SHPRH: variants seen among roughly 807,000 people sequenced by gnomAD.
The protein encoded by SHPRH is SNF2 histone linker PHD RING helicase, also known as E3 ubiquitin-protein ligase SHPRH.
Under a neutral mutation model 202.5 loss-of-function variants are expected in SHPRH, and 106 were observed. The observed-to-expected ratio is 0.52, with a 90% confidence interval of 0.45 to 0.62. SHPRH has a LOEUF of 0.62. Among genes scored for constraint, SHPRH ranks in the 20% least tolerant of loss-of-function variants. The pLI is 0.00. For missense variants in SHPRH, 1,710 were observed against 2,020.0 expected (o/e 0.85, Z 2.94); for synonymous variants, 729 against 686.0 (o/e 1.06, Z -0.98).
At chr6:145,942,646 A>T (rs1562353670) in intron 9 of SHPRH, among the ~76,000 whole-genome samples, 1 of 152,202 alleles carries the variant, frequency 6.6e-6, no homozygotes, top group Admixed American at 6.5e-5. Context: ...ATCTTCACAA[A>T]TGACTGGATA....
chr6:145,911,413 G>A lies in SHPRH; in HGVS notation c.4327-777C>T, dbSNP rs117560233. 4.2e-3 allele frequency among the ~76,000 whole-genome samples: 643 copies of A among 152,158 alleles called. 18 individuals are homozygous for A. The East Asian group carries it at 0.071, about 17-fold the overall frequency. On this transcript the variant is annotated intron_variant, in intron 24 of 29. Transcript: ENST00000275233. ...CCTGGGATTACAGGTGTGAGCCACC[G>A]CGCCCAGCCAAAAAGAAATGTTTAA... is the stretch of plus-strand genomic sequence containing the variant.
chr6:145,947,765 ATT>A, intron 5 of SHPRH, 122 bp from the exon 6 acceptor site: 1 of 1,229,992 alleles, frequency 8.1e-7, no homozygotes, highest in Non-Finnish European at 1.1e-6. Flanking sequence ...TTGAAACTAT[ATT>A]TTAGGGCAAA....
chr6:145,948,750 A>G (rs929867124), intron 4 of SHPRH, among the ~76,000 whole-genome samples: 3 of 152,096 alleles, frequency 2.0e-5, no homozygotes, highest in African/African-American at 7.2e-5. Context: ...GACATATGCT[A>G]GGTGGCTAAA....
At chr6:145,920,324 C>G (rs1784334380) in intron 21 of SHPRH, among the ~76,000 whole-genome samples, 1 of 152,056 alleles carries the variant, frequency 6.6e-6, no homozygotes, top group African/African-American at 2.4e-5. Context: ...ACAGGGGCAA[C>G]TGAACATCAT....
intron 1 of SHPRH, among the ~76,000 whole-genome samples, chr6:145,961,011 C>T (rs1346978420): frequency 6.6e-6 from 1 of 151,768 alleles, no homozygotes; most frequent in Non-Finnish European, 1.5e-5. Flanking sequence ...TTATGGTAAT[C>T]TACTGACTGT....
At chr6:145,867,615 TATATATATATATATATAGAG>T (rs1779839533) in intron 2 of SHPRH, among the ~76,000 whole-genome samples, 2 of 66,928 alleles carry the variant, frequency 3.0e-5, no homozygotes, top group African/African-American at 1.5e-4. Flanking sequence ...TATATATATA[TATATATATATATATATAGAG>T]AGAGAGAGAG....
At chr6:145,920,104 C>A (rs908659624) in intron 21 of SHPRH, among the ~76,000 whole-genome samples, 7 of 152,078 alleles carry the variant, frequency 4.6e-5, no homozygotes, top group Admixed American at 4.6e-4. Flanking sequence ...TGGTATCAAT[C>A]AGTATACATT....
downstream of SHPRH, chr6:145,884,652 G>C (rs1050141254): frequency 5.5e-4 from 83 of 152,186 alleles, no homozygotes; most frequent in African/African-American, 1.8e-3. Context: ...TACTTGTTTT[G>C]AACAATTGGA....
chr6:145,892,259 A>G (rs1344592043), intron 28 of SHPRH, among the ~76,000 whole-genome samples: 3 of 152,136 alleles, frequency 2.0e-5, no homozygotes, highest in Non-Finnish European at 4.4e-5. Context: ...GGCTGTGTGA[A>G]TACCCTTTTC....
At chr6:145,962,116 T>A (rs1789147154) in intron 1 of SHPRH, among the ~76,000 whole-genome samples, 1 of 152,200 alleles carries the variant, frequency 6.6e-6, no homozygotes, top group Non-Finnish European at 1.5e-5. Flanking sequence ...TGTATTTAAA[T>A]ATAAAAGCCT....
chr6:145,940,886 G>A (rs1786699135), intron 10 of SHPRH, 85 bp from the exon 11 acceptor site: 1 of 1,355,250 alleles, frequency 7.4e-7, no homozygotes, highest in African/African-American at 1.4e-5. Flanking sequence ...ATGAAAAACA[G>A]CCCATTAAAA....
rs1002097718 is a variant in SHPRH, at chr6:145,940,932, AAC to A, written c.2491-133_2491-132del. ...TGGTGAGATGTACCTACTTTTATTT[AAC>A]AGTTATCACACTCAATGTTGAATGT... On this transcript the variant is annotated intron_variant, in intron 10 of 29. Transcript: ENST00000275233. 122 of 799,970 alleles carry A rather than the reference AAC, an allele frequency of 1.5e-4. No homozygotes were observed. The African/African-American group carries it at 1.9e-3, about 12-fold the overall frequency. 49.6% of individuals were successfully genotyped at this position (799,970 alleles called of 1,614,324 possible). A position where few individuals can be genotyped will look rare whatever the true frequency, so the allele number is the denominator to read the frequency against.
At chr6:145,923,856 A>G (rs909181836) in intron 17 of SHPRH, 71 bp from the exon 18 acceptor site, 1 of 1,472,050 alleles carries the variant, frequency 6.8e-7, no homozygotes, top group Non-Finnish European at 9.2e-7. Flanking sequence ...ATCACTGGGC[A>G]GGGTGATGCC....
intron 18 of SHPRH, 96 bp downstream of exon 18, chr6:145,923,547 A>C: frequency 6.8e-7 from 1 of 1,466,598 alleles, no homozygotes; most frequent in Non-Finnish European, 9.2e-7. Context: ...ATGGAGAAAA[A>C]AAGCCGGTAA....
intron 2 of SHPRH, among the ~76,000 whole-genome samples, chr6:145,874,270 T>A (rs1780201233): frequency 6.6e-6 from 1 of 151,780 alleles, no homozygotes; most frequent in Non-Finnish European, 1.5e-5. Context: ...CACCATAGTT[T>A]CAGAATGCAA....
At chr6:145,946,137 T>C (rs1787346635) in intron 7 of SHPRH, 96 bp downstream of exon 7, 3 of 834,288 alleles carry the variant, frequency 3.6e-6, no homozygotes, top group Admixed American at 3.4e-5. Flanking sequence ...GTAAAAACAA[T>C]TGTTTATAAC....
downstream of SHPRH, among the ~76,000 whole-genome samples, chr6:145,861,313 C>T (rs531450864): frequency 1.5e-4 from 23 of 151,800 alleles, no homozygotes; most frequent in Admixed American, 1.4e-3. Context: ...CTAAAGAAGA[C>T]ATACAAAATG....
intron 14 of SHPRH, among the ~76,000 whole-genome samples, chr6:145,931,798 C>T (rs1460190390): frequency 6.6e-6 from 1 of 151,960 alleles, no homozygotes; most frequent in African/African-American, 2.4e-5. Flanking sequence ...AATAATCTTA[C>T]AATATTATAC....
Position 145,886,638 on chromosome 6 carries a change from A to T in SHPRH, c.*53T>A. 6.3e-7 allele frequency: 1 copy of T among 1,596,822 alleles called. No individual in the cohort carries two copies. The highest frequency in any genetic ancestry group is 8.5e-7 in the Non-Finnish European group (1 of 1,173,338). ...TTTAAAACTTGTAACTTTGCTCTACAGCTATGAAAGTTTATTAATACACTA... is the reference window on the plus strand; with the variant it reads ...TTTAAAACTTGTAACTTTGCTCTACTGCTATGAAAGTTTATTAATACACTA... On this transcript the variant is annotated 3_prime_UTR_variant, in exon 30 of 30. Transcript: ENST00000275233.
Sources: gnomAD v4.1 joint callset for allele counts (sites outside exome capture counted in the v4.1 genomes callset) on GRCh38, gnomAD v4.1.1 for gene constraint, MANE v1.5 for transcripts, NCBI Gene and HGNC (gene_info 2026-07-23, HGNC 2026-07-21) for gene names.